Variants in SLC6A2 observed in about 807,000 individuals in gnomAD.
SLC6A2 encodes sodium-dependent noradrenaline transporter.
Under a neutral mutation model 71.7 loss-of-function variants are expected in SLC6A2, and 26 were observed. The observed-to-expected ratio is 0.36, with a 90% CI of 0.27 to 0.50. SLC6A2 has a LOEUF of 0.50. SLC6A2 is among the 20% of genes least tolerant of loss of function. The probability of loss-of-function intolerance (pLI) is 0.96; values close to 1 mark genes in which losing one functional copy is unlikely to be tolerated. For missense variants in SLC6A2, 581 were observed against 803.9 expected, an observed-to-expected ratio of 0.72 and a Z score of 3.35; for synonymous variants, 363 against 337.9, an observed-to-expected ratio of 1.07 and a Z score of -0.82.
Position 55,702,744 on chromosome 16 carries a change from T to TC in SLC6A2, c.*401dup, listed in dbSNP as rs1355012496. On this transcript the variant is annotated 3_prime_UTR_variant, in exon 15 of 15. Transcript: ENST00000568943. ...GGATGGGCTTTTGATCAGATACCCC[T>TC]CCCAAAAAAAAAAAAAACTAAAACT... 1.9e-3 allele frequency: 1,256 copies of TC among 645,678 alleles called. 15 individuals are homozygous for TC. In the African/African-American group the frequency reaches 0.033, roughly 17 times the overall value. 40.0% of individuals were successfully genotyped at this position (645,678 alleles called of 1,614,324 possible).
chr16:55,668,458 A>G (rs1290097418), intron 2 of SLC6A2, among the ~76,000 whole-genome samples: 1 of 152,124 alleles, frequency 6.6e-6, no homozygotes, highest in African/African-American at 2.4e-5. Context: ...TGATGTGGGT[A>G]GGTCAGAGAG....
chr16:55,691,798 G>C (rs1358269296), intron 5 of SLC6A2, 120 bp from the exon 6 acceptor site: 55 of 1,158,354 alleles, frequency 4.7e-5, no homozygotes, highest in Non-Finnish European at 6.6e-5. Context: ...CATGTGCTTT[G>C]GGTAAAGGAA....
chr16:55,692,665 G>A (rs1317321238), intron 6 of SLC6A2, among the ~76,000 whole-genome samples: 3 of 152,314 alleles, frequency 2.0e-5, no homozygotes, highest in African/African-American at 4.8e-5. Context: ...GATAACTGCT[G>A]AGATTACTTC....
intron 6 of SLC6A2, among the ~76,000 whole-genome samples, chr16:55,693,322 A>G (rs1597005385): frequency 6.6e-6 from 1 of 152,132 alleles, no homozygotes; most frequent in African/African-American, 2.4e-5. Context: ...GTGAGCCAAG[A>G]TCATGCCACT....
intron 2 of SLC6A2, among the ~76,000 whole-genome samples, chr16:55,662,387 GGAATATGGA>G (rs1432637698): frequency 6.6e-6 from 1 of 152,172 alleles, no homozygotes; most frequent in Admixed American, 6.5e-5. Context: ...TCATATGCCA[GGAATATGGA>G]GATGAGCAAA....
At chr16:55,696,709 T>C (rs1469477139) in intron 9 of SLC6A2, among the ~76,000 whole-genome samples, 1 of 152,206 alleles carries the variant, frequency 6.6e-6, no homozygotes, top group Non-Finnish European at 1.5e-5. Flanking sequence ...AGGCCAGGCA[T>C]GGTGGCTCAC....
intron 4 of SLC6A2, among the ~76,000 whole-genome samples, chr16:55,675,386 T>G (rs1373404124): frequency 1.3e-5 from 2 of 152,254 alleles, no homozygotes; most frequent in African/African-American, 2.4e-5. Context: ...CAAACTTTTC[T>G]GCTTAAGATC....
chr16:55,688,076 G>A (rs879294656), intron 5 of SLC6A2, among the ~76,000 whole-genome samples: 1 of 152,256 alleles, frequency 6.6e-6, no homozygotes, highest in African/African-American at 2.4e-5. Flanking sequence ...GCAGTCCATG[G>A]AGAGGAGATT....
At chr16:55,700,844 T>A (rs1377985999) in intron 13 of SLC6A2, among the ~76,000 whole-genome samples, 1 of 151,872 alleles carries the variant, frequency 6.6e-6, no homozygotes, top group Non-Finnish European at 1.5e-5. Context: ...TATATGTACA[T>A]GTGTGTGTAT....
rs761136690 is a variant in SLC6A2 at position 55,699,549 on chromosome 16, C to T, written c.1490-5C>T. ...TGGTAACAGGCCTGCCCTGTGTGTG[C>T]ACAGGAGTGGACAGGTTCAGCAACG... is the stretch of plus-strand genomic sequence containing the variant. On this transcript the variant is annotated splice_region_variant and splice_polypyrimidine_tract_variant and intron_variant, in intron 11 of 14. Transcript: ENST00000568943. 1 of 1,612,182 alleles carries T rather than the reference C, an allele frequency of 6.2e-7. No homozygotes were observed. The highest frequency in any genetic ancestry group is 1.1e-5 in the South Asian group (1 of 91,044).
Position 55,705,348 on chromosome 16 carries a change from C to A in SLC6A2, c.*3002C>A. The A allele has an allele frequency of 9.8e-7, 1 of 1,018,886 alleles. No homozygotes were observed. Among genetic ancestry groups the A allele is most frequent in the Non-Finnish European group, 1.4e-6 (1 of 693,114 alleles). 63.1% of individuals were successfully genotyped at this position (1,018,886 alleles called of 1,614,324 possible). ...TGGGAGCCAGTTCCTGCTATATGAT[C>A]TGTTTTCTAGCCTCGCTAATGTGAG... On this transcript the variant is annotated 3_prime_UTR_variant, in exon 15 of 15. Transcript: ENST00000568943.
In SLC6A2 at chr16:55,702,375, C is replaced by G. The variant is rs1290323429; in HGVS notation, c.*29C>G. 6.2e-7 allele frequency: 1 copy of G among 1,614,202 alleles called. No individual in the cohort carries two copies. The highest frequency in any genetic ancestry group is 1.7e-5 in the Admixed American group (1 of 60,036). ...TGCCTGGAGGAGAAGGAGGAACCCCCATGCCAATGTCCAGGTCACAGGCAT... is the reference window on the plus strand; with the variant it reads ...TGCCTGGAGGAGAAGGAGGAACCCCGATGCCAATGTCCAGGTCACAGGCAT... On this transcript the variant is annotated 3_prime_UTR_variant, in exon 15 of 15. Transcript: ENST00000568943.
chr16:55,686,465 T>C (rs1305519081), intron 5 of SLC6A2, among the ~76,000 whole-genome samples: 1 of 152,120 alleles, frequency 6.6e-6, no homozygotes, highest in Non-Finnish European at 1.5e-5. Context: ...AAAACAAGTG[T>C]TGAGGTAAAA....
At chr16:55,661,001 C>T (rs1202764868) in intron 2 of SLC6A2, among the ~76,000 whole-genome samples, 1 of 152,212 alleles carries the variant, frequency 6.6e-6, no homozygotes. Flanking sequence ...GATGCACGGG[C>T]TGCAGGAGGC....
chr16:55,701,915 G>A lies in SLC6A2; in HGVS notation c.1811G>A (p.Arg604Lys). The A allele has an allele frequency of 6.2e-7, 1 of 1,613,968 alleles. No homozygotes were observed. The highest frequency in any genetic ancestry group is 8.5e-7 in the Non-Finnish European group (1 of 1,179,806). The change falls in exon 14 of 15, where the codon AGG becomes AAG. Residue 604 changes from arginine (R) to lysine (K), a missense_variant. This residue lies in a region of SLC6A2 where 334 missense variants were observed against 449.0 expected (regional missense o/e 0.74). Transcript: ENST00000568943. The part of the protein sequence containing the change: ...PENEHHLVAQ[R>K]DIRQFQLQHW... ...AACGAGCACCACCTGGTGGCTCAGA[G>A]GGACATCAGACAGTTCCAGGTGGGT...
At chr16:55,687,376 A>G (rs968420721) in intron 5 of SLC6A2, among the ~76,000 whole-genome samples, 2 of 152,232 alleles carry the variant, frequency 1.3e-5, no homozygotes, top group East Asian at 1.9e-4. Flanking sequence ...GAGATGCTGC[A>G]TTAGTGGAGA....
In SLC6A2 at chr16:55,698,584, GA is replaced by G. The variant is rs1486256161; in HGVS notation, c.1489+20del. 2 of 1,565,690 alleles carry G rather than the reference GA, an allele frequency of 1.3e-6. No homozygotes were observed. The highest frequency in any genetic ancestry group is 1.7e-5 in the Admixed American group (1 of 59,966). On this transcript the variant is annotated intron_variant, in intron 11 of 14. Coordinates refer to ENST00000568943, the MANE Select transcript of SLC6A2 (RefSeq NM_001172501.3). ...TGGTTTTATGGTATGTGAGTGTGTG[GA>G]AAAGCCTCAGCTCCCAGTCCTCCTA...
At chr16:55,676,886 C>T (rs1422953234) in intron 4 of SLC6A2, among the ~76,000 whole-genome samples, 1 of 152,212 alleles carries the variant, frequency 6.6e-6, no homozygotes, top group Non-Finnish European at 1.5e-5. Flanking sequence ...AAAGCCCAAG[C>T]TCTTAGCCCA....
chr16:55,704,435 A>G lies in SLC6A2; in HGVS notation c.*2089A>G, dbSNP rs1483051457. On this transcript the variant is annotated 3_prime_UTR_variant, in exon 15 of 15. Coordinates refer to ENST00000568943, the MANE Select transcript of SLC6A2 (RefSeq NM_001172501.3). ...AGGGTTCACCCCACCCAGGACTGTC[A>G]TTTTTAAAAAACTCATTCAAACCGC... 2 of 152,192 alleles carry G rather than the reference A, an allele frequency of 1.3e-5. No homozygotes were observed. The highest frequency in any genetic ancestry group is 1.9e-4 in the East Asian group (1 of 5,192). The allele number at this position is 152,192 out of a possible 1,614,324, so 9.4% of individuals were successfully genotyped here. A position where few individuals can be genotyped will look rare whatever the true frequency, so the allele number is the denominator to read the frequency against.
Sources: gnomAD v4.1 joint callset for allele counts (sites outside exome capture counted in the v4.1 genomes callset) on GRCh38, gnomAD v4.1.1 for gene constraint, gnomAD v4.1.1 regional missense constraint, MANE v1.5 for transcripts, NCBI Gene and HGNC (gene_info 2026-07-23, HGNC 2026-07-21) for gene names.